PATJ: variants seen among roughly 807,000 people sequenced by gnomAD.
PATJ encodes PATJ crumbs cell polarity complex component.
In PATJ, 190 loss-of-function variants were observed where a neutral mutation model predicts 224.9. The ratio of observed to expected loss-of-function variants is 0.84; its 90% CI spans 0.75 to 0.95. PATJ has a LOEUF of 0.95. Among genes scored for constraint, PATJ ranks in the 40% least tolerant of loss-of-function variants. The pLI, the probability that PATJ is intolerant of heterozygous loss-of-function variation, is 0.00. For missense variants in PATJ, 2,121 were observed against 2,270.3 expected (o/e 0.93, Z 1.34); for synonymous variants, 769 against 820.3 (o/e 0.94, Z 1.07).
At chr1:61,983,538 A>G (rs1027203433) in intron 27 of PATJ, among the ~76,000 whole-genome samples, 1 of 152,108 alleles carries the variant, frequency 6.6e-6, no homozygotes, top group African/African-American at 2.4e-5. Flanking sequence ...TTTGAGAAAA[A>G]AATTGTATCT....
intron 29 of PATJ, among the ~76,000 whole-genome samples, chr1:62,025,914 C>T (rs955444748): frequency 5.9e-5 from 9 of 152,204 alleles, no homozygotes; most frequent in African/African-American, 2.2e-4. Flanking sequence ...CCCACATCAA[C>T]TCCCCTGCCA....
At chr1:62,012,158 G>A (rs1305092174) in intron 28 of PATJ, among the ~76,000 whole-genome samples, 1 of 132,722 alleles carries the variant, frequency 7.5e-6, no homozygotes, top group African/African-American at 2.9e-5. Context: ...ACCTAAGATG[G>A]TAGAGTGACC....
chr1:62,094,640 G>A (rs758156688), intron 33 of PATJ, among the ~76,000 whole-genome samples: 5 of 151,450 alleles, frequency 3.3e-5, no homozygotes, highest in Non-Finnish European at 7.4e-5. Flanking sequence ...TCTAGTGTAA[G>A]TGAGTATTTA....
chr1:62,056,895 C>A (rs1283017903), intron 31 of PATJ, among the ~76,000 whole-genome samples: 3 of 152,114 alleles, frequency 2.0e-5, no homozygotes, highest in Non-Finnish European at 4.4e-5. Context: ...TTTCTCAGCT[C>A]CCTGCTCTGC....
At chr1:61,920,694 A>G (rs1029832629) in intron 26 of PATJ, among the ~76,000 whole-genome samples, 2 of 138,884 alleles carry the variant, frequency 1.4e-5, no homozygotes, top group Non-Finnish European at 1.5e-5. Flanking sequence ...CTAGACTTGT[A>G]TGGAATTCTT....
In PATJ at chr1:62,153,381, C is replaced by T; in HGVS notation, c.5402C>T (p.Thr1801Ile). 8.1e-7 allele frequency: 1 copy of T among 1,231,584 alleles called. No individual in the cohort carries two copies. Among genetic ancestry groups the T allele is most frequent in the Non-Finnish European group, 1.0e-6 (1 of 987,490 alleles). 76.3% of individuals were successfully genotyped at this position (1,231,584 alleles called of 1,614,324 possible). A position where few individuals can be genotyped will look rare whatever the true frequency, so the allele number is the denominator to read the frequency against. The change falls in exon 43 of 44, where the codon ACT becomes ATT. Residue 1801 changes from threonine (T) to isoleucine (I), a missense_variant. Physicochemically the swap from Thr to Ile is moderately conservative, Grantham distance 89 (BLOSUM62 -1). Transcript: ENST00000642238. ...DTETPPPKIITLEKGSEGLGF... is the reference protein window; with the variant it reads ...DTETPPPKIIILEKGSEGLGF... Reference sequence around the variant, plus strand: ...AGAACACCTCCACCTAAGATTATTACTTTGGAGAAAGGCTCTGAAGGCTTG... The same window carrying T: ...AGAACACCTCCACCTAAGATTATTATTTTGGAGAAAGGCTCTGAAGGCTTG...
At position 61,777,703 on chromosome 1, in the gene PATJ, C is replaced by CTTTTTTTTTTTTTTTTTTTTTTTT. The variant is rs66470863; in HGVS notation, c.849+2370_849+2393dup. On this transcript the variant is annotated intron_variant, in intron 7 of 43. Coordinates refer to ENST00000642238, the MANE Select transcript of PATJ (RefSeq NM_001350145.3). ...TTCTTCCTTTTTTCTTTCTTTCTTT[C>CTTTTTTTTTTTTTTTTTTTTTTTT]TTTTTTTTTTTTTTTTTTTTTTTTA... Among the ~76,000 whole-genome samples, 39 of 48,742 alleles carry CTTTTTTTTTTTTTTTTTTTTTTTT rather than the reference C, an allele frequency of 8.0e-4. 2 individuals carry two copies. Among genetic ancestry groups the CTTTTTTTTTTTTTTTTTTTTTTTT allele is most frequent in the African/African-American group, 1.5e-3 (14 of 9,388 alleles). The allele number at this position is 48,742 out of a possible 152,430, so 32.0% of individuals were successfully genotyped here.
chr1:61,864,303 G>T lies in PATJ; in HGVS notation c.2505G>T (p.Lys835Asn), dbSNP rs1372994524. The stretch of plus-strand genomic sequence containing the variant: ...ATGAACCATTTCTAGATCTGGGAAA[G>T]TCTTTCCATTCCCAACAAAAAGAGA... ...LVDEPFLDLG[K>N]SFHSQQKEIE... The change falls in exon 20 of 44, where the codon AAG becomes AAT. Residue 835 changes from lysine to asparagine, a missense_variant. By Grantham distance (94) the Lys-to-Asn change is moderately conservative. Transcript: ENST00000642238. 8.1e-6 allele frequency: 13 copies of T among 1,613,814 alleles called. No individual in the cohort carries two copies. In the South Asian group the frequency reaches 1.3e-4, roughly 16 times the overall value.
intron 16 of PATJ, among the ~76,000 whole-genome samples, chr1:61,828,749 T>C (rs1658783416): frequency 1.3e-5 from 2 of 152,204 alleles, no homozygotes; most frequent in African/African-American, 4.8e-5. Context: ...TCATCTTTTA[T>C]GCTACTTTCC....
intron 29 of PATJ, among the ~76,000 whole-genome samples, chr1:62,036,517 GT>G (rs992297486): frequency 1.3e-5 from 2 of 152,128 alleles, no homozygotes; most frequent in African/African-American, 4.8e-5. Context: ...AAGACATCTA[GT>G]GGAGATATAA....
At chr1:62,148,012 G>A (rs147340463) in intron 41 of PATJ, among the ~76,000 whole-genome samples, 3 of 150,378 alleles carry the variant, frequency 2.0e-5, no homozygotes, top group Non-Finnish European at 1.5e-5. Context: ...TCCCAGCTAC[G>A]TGGGAGGCTG....
intron 21 of PATJ, among the ~76,000 whole-genome samples, chr1:61,881,407 AT>A (rs34051620): frequency 0.66 from 73,114 of 110,112 alleles, 22,856 homozygotes; most frequent in Admixed American, 0.69. Flanking sequence ...TAAAACAGTT[AT>A]TTTTTTTTTT....
chr1:61,750,802 A>G (rs1441976990), intron 1 of PATJ, among the ~76,000 whole-genome samples: 1 of 151,952 alleles, frequency 6.6e-6, no homozygotes, highest in East Asian at 1.9e-4. Context: ...AGATAAGTGA[A>G]TGTTGAGGGT....
intron 1 of PATJ, among the ~76,000 whole-genome samples, chr1:61,751,684 G>A (rs1645338229): frequency 6.6e-6 from 1 of 151,956 alleles, no homozygotes; most frequent in African/African-American, 2.4e-5. Flanking sequence ...AAATTAGCCA[G>A]GTATGGTGGT....
At chr1:61,934,627 G>C (rs1676557932) in intron 27 of PATJ, among the ~76,000 whole-genome samples, 1 of 152,134 alleles carries the variant, frequency 6.6e-6, no homozygotes, top group South Asian at 2.1e-4. Context: ...CCTTAGTTCA[G>C]TATAGATTCC....
chr1:61,932,178 C>T (rs6656983), intron 27 of PATJ, among the ~76,000 whole-genome samples: 2 of 152,062 alleles, frequency 1.3e-5, no homozygotes, highest in South Asian at 2.1e-4. Flanking sequence ...GCCTGCCCCC[C>T]CAACACACAC....
chr1:62,142,803 T>TG (rs1419211766), intron 41 of PATJ, among the ~76,000 whole-genome samples: 2 of 152,112 alleles, frequency 1.3e-5, no homozygotes, highest in Admixed American at 6.5e-5. Context: ...GAGAGGGAAC[T>TG]GGAATGTGGG....
intron 11 of PATJ, among the ~76,000 whole-genome samples, chr1:61,801,078 C>T (rs937108368): frequency 6.6e-6 from 1 of 152,280 alleles, no homozygotes; most frequent in Admixed American, 6.5e-5. Context: ...GATTTATGAT[C>T]CTTTGGGTAT....
intron 17 of PATJ, among the ~76,000 whole-genome samples, chr1:61,841,049 TTATA>T (rs1169421995): frequency 6.6e-6 from 1 of 152,122 alleles, no homozygotes; most frequent in African/African-American, 2.4e-5. Context: ...TGTTTCAACT[TTATA>T]TATGGCGGTA....
Sources: allele counts gnomAD v4.1 joint callset (sites outside exome capture counted in the v4.1 genomes callset), GRCh38; gene constraint gnomAD v4.1.1; transcripts MANE v1.5; gene names NCBI Gene and HGNC (gene_info 2026-07-23, HGNC 2026-07-21).